The following PTK2B variants were observed in gnomAD, a reference collection of about 807,000 sequenced individuals.
The protein encoded by PTK2B is protein-tyrosine kinase 2-beta.
A neutral mutation model predicts 142.9 loss-of-function variants in PTK2B; 71 were observed. That is an observed-to-expected ratio of 0.50 (90% CI 0.41 to 0.61). The LOEUF (loss-of-function observed/expected upper bound fraction) is 0.61, where lower values mean the gene tolerates loss of function less well. Ranked by LOEUF, PTK2B falls within the 20% of genes least tolerant of loss-of-function variation. The pLI is 0.00. For missense variants in PTK2B, 1,105 were observed against 1,320.4 expected (o/e 0.84, Z 2.53); for synonymous variants, 519 against 503.4 (o/e 1.03, Z -0.42).
intron 4 of PTK2B, 78 bp from the exon 5 acceptor site, chr8:27,422,226 C>A: frequency 7.2e-7 from 1 of 1,384,674 alleles, no homozygotes; most frequent in East Asian, 2.5e-5. Context: ...GAATGAGGCC[C>A]TTAATCTTCT....
chr8:27,407,565 C>T (rs1480201100), intron 2 of PTK2B, among the ~76,000 whole-genome samples: 3 of 152,156 alleles, frequency 2.0e-5, no homozygotes, highest in Non-Finnish European at 4.4e-5. Context: ...TTCCTTCAAC[C>T]ACCTGTACCC....
chr8:27,359,468 A>G (rs1377448260), intron 1 of PTK2B, among the ~76,000 whole-genome samples: 2 of 152,032 alleles, frequency 1.3e-5, no homozygotes, highest in African/African-American at 4.8e-5. Flanking sequence ...TCAGTTCTTG[A>G]TTTTCTAATC....
At chr8:27,350,988 AAAAT>A (rs1805028741) in intron 1 of PTK2B, among the ~76,000 whole-genome samples, 1 of 16,210 alleles carries the variant, frequency 6.2e-5, no homozygotes, top group Non-Finnish European at 1.4e-4. Flanking sequence ...AAAAAAAAAA[AAAAT>A]ATATATATAT....
At chr8:27,359,769 G>A (rs893446555) in intron 1 of PTK2B, among the ~76,000 whole-genome samples, 47 of 151,688 alleles carry the variant, frequency 3.1e-4, no homozygotes, top group Admixed American at 3.1e-3. Flanking sequence ...TTCTTTCCTG[G>A]GACCCAGACA....
chr8:27,458,375 A>T lies in PTK2B; in HGVS notation c.2896A>T (p.Thr966Ser). The T allele has an allele frequency of 6.2e-7, 1 of 1,613,624 alleles. No homozygotes were observed. The highest frequency in any genetic ancestry group is 8.5e-7 in the Non-Finnish European group (1 of 1,179,816). ...KMRLAQQNAVTSLSEECKRQM... is the reference protein window; with the variant it reads ...KMRLAQQNAVSSLSEECKRQM... ...GCGGCTGGCACAGCAGAACGCCGTG[A>T]CCTCCCTAAGTGAGGAGTGCAAGAG... The change falls in exon 31 of 31, where the codon ACC becomes TCC. Residue 966 changes from threonine (T) to serine (S), a missense_variant. Thr to Ser is a moderately conservative substitution (Grantham distance 58). Transcript: ENST00000346049.
chr8:27,374,426 C>T (rs374517950), intron 1 of PTK2B, among the ~76,000 whole-genome samples: 26 of 152,316 alleles, frequency 1.7e-4, no homozygotes, highest in African/African-American at 5.1e-4. Flanking sequence ...CATAGGGCCC[C>T]GTGGGGCAGC....
chr8:27,413,260 C>T (rs1316505071), intron 2 of PTK2B, among the ~76,000 whole-genome samples: 3 of 152,218 alleles, frequency 2.0e-5, no homozygotes, highest in Non-Finnish European at 4.4e-5. Context: ...CAGGGTTTAT[C>T]TCCCCAAACA....
intron 24 of PTK2B, among the ~76,000 whole-genome samples, chr8:27,450,444 A>T (rs1407599319): frequency 1.3e-5 from 2 of 152,236 alleles, no homozygotes; most frequent in African/African-American, 2.4e-5. Flanking sequence ...AAACACTGAG[A>T]TAATAGTAGG....
intron 13 of PTK2B, 87 bp downstream of exon 13, chr8:27,434,646 G>T (rs552851585): frequency 1.6e-5 from 23 of 1,415,822 alleles, no homozygotes; most frequent in South Asian, 1.4e-4. Context: ...ATTGCCGAGG[G>T]TTTCCTCCAA....
At chr8:27,318,979 A>G (rs1454635765) in intron 3 of PTK2B, among the ~76,000 whole-genome samples, 1 of 152,166 alleles carries the variant, frequency 6.6e-6, no homozygotes, top group African/African-American at 2.4e-5. Flanking sequence ...TGGAACAATT[A>G]AAAATGCTCT....
At chr8:27,451,724 T>C in intron 27 of PTK2B, 1 of 1,410,768 alleles carries the variant, frequency 7.1e-7, no homozygotes, top group Non-Finnish European at 9.2e-7. Context: ...CCCTTCTCTC[T>C]CTCAGTGGCC....
chr8:27,382,278 G>A (rs1221217329), intron 1 of PTK2B, among the ~76,000 whole-genome samples: 1 of 152,052 alleles, frequency 6.6e-6, no homozygotes, highest in Non-Finnish European at 1.5e-5. Flanking sequence ...TGTCCTTTCA[G>A]ATACTTTGCT....
intron 1 of PTK2B, chr8:27,380,748 G>C (rs1806964071): frequency 6.6e-6 from 1 of 152,184 alleles, no homozygotes; most frequent in South Asian, 2.1e-4. Context: ...CCTGCAGCCT[G>C]GGAACTGGGA....
chr8:27,380,422 G>A (rs916066753), intron 1 of PTK2B, among the ~76,000 whole-genome samples: 9 of 152,156 alleles, frequency 5.9e-5, no homozygotes, highest in Admixed American at 5.2e-4. Flanking sequence ...TGCCTGCAGG[G>A]GGATTTCTCG....
chr8:27,439,685 T>TGA (rs1563291408), intron 20 of PTK2B, among the ~76,000 whole-genome samples: 11 of 151,810 alleles, frequency 7.2e-5, no homozygotes, highest in Admixed American at 1.3e-4. Context: ...GACGAAACTC[T>TGA]GTGACTTATT....
intron 1 of PTK2B, among the ~76,000 whole-genome samples, chr8:27,368,455 C>G (rs1806148491): frequency 6.6e-6 from 1 of 152,212 alleles, no homozygotes; most frequent in Non-Finnish European, 1.5e-5. Context: ...ACCTTGCCCA[C>G]TGGCTGTGAA....
At chr8:27,435,120 A>G (rs948993097) in intron 13 of PTK2B, among the ~76,000 whole-genome samples, 3 of 152,240 alleles carry the variant, frequency 2.0e-5, no homozygotes, top group African/African-American at 7.2e-5. Flanking sequence ...CAGATACTTT[A>G]TTGCTCACAG....
chr8:27,390,133 A>T (rs148178505), intron 1 of PTK2B, among the ~76,000 whole-genome samples: 2 of 152,236 alleles, frequency 1.3e-5, no homozygotes, highest in Non-Finnish European at 2.9e-5. Flanking sequence ...CCTTCCATGG[A>T]CAGGCGCCTG....
chr8:27,353,320 A>G (rs1219715886), intron 1 of PTK2B, among the ~76,000 whole-genome samples: 1 of 152,178 alleles, frequency 6.6e-6, no homozygotes, highest in Non-Finnish European at 1.5e-5. Context: ...CAGGCTAGTC[A>G]GTCACCCTTG....
Sources: allele counts gnomAD v4.1 joint callset (sites outside exome capture counted in the v4.1 genomes callset), GRCh38; gene constraint gnomAD v4.1.1; transcripts MANE v1.5; gene names NCBI Gene and HGNC (gene_info 2026-07-23, HGNC 2026-07-21).